The following MBNL2 variants were observed in gnomAD, a reference collection of about 807,000 sequenced individuals.
The protein encoded by MBNL2 is muscleblind like splicing regulator 2.
In MBNL2, 17 loss-of-function variants were observed where a neutral mutation model predicts 41.9. The ratio of observed to expected loss-of-function variants is 0.41; its 90% CI spans 0.28 to 0.61. The LOEUF (loss-of-function observed/expected upper bound fraction) is 0.61. MBNL2 is among the 20% of genes least tolerant of loss of function. The pLI, the probability that MBNL2 is intolerant of heterozygous loss-of-function variation, is 0.35. For synonymous variants in MBNL2, 195 were observed against 182.9 expected, an observed-to-expected ratio of 1.07 and a Z score of -0.53; for missense variants, 336 against 505.6, an observed-to-expected ratio of 0.66 and a Z score of 3.22.
rs1200579414 is a variant in MBNL2 at position 97,287,928 on chromosome 13, TGTTTTG to T, written c.174+11520_174+11525del. Among the ~76,000 whole-genome samples, 47 of 88,052 alleles carry T rather than the reference TGTTTTG, an allele frequency of 5.3e-4. 1 individual carries two copies. The highest frequency in any genetic ancestry group is 1.7e-3 in the African/African-American group (44 of 26,070). The allele number at this position is 88,052 out of a possible 152,430, so 57.8% of individuals were successfully genotyped here. A position where few individuals can be genotyped will look rare whatever the true frequency, so the allele number is the denominator to read the frequency against. On this transcript the variant is annotated intron_variant, in intron 2 of 8. Transcript: ENST00000679496. ...CCCGGCTAATTTTCTGTTTTTTTTT[TGTTTTG>T]TTTTGTTTTTTTTTTTTTTAGTAGA... is the stretch of plus-strand genomic sequence containing the variant.
At chr13:97,249,271 TG>T (rs1214342605) in intron 1 of MBNL2, among the ~76,000 whole-genome samples, 1 of 152,218 alleles carries the variant, frequency 6.6e-6, no homozygotes, top group African/African-American at 2.4e-5. Flanking sequence ...TTCCACTGTT[TG>T]TGAATGATTG....
intron 2 of MBNL2, among the ~76,000 whole-genome samples, chr13:97,289,814 G>A (rs2055451354): frequency 6.6e-6 from 1 of 152,166 alleles, no homozygotes; most frequent in South Asian, 2.1e-4. Context: ...AGCAGACATA[G>A]CCAGCAAGAC....
chr13:97,270,202 G>C (rs2152912900), intron 1 of MBNL2, among the ~76,000 whole-genome samples: 1 of 152,264 alleles, frequency 6.6e-6, no homozygotes, highest in South Asian at 2.1e-4. Context: ...ACCGTCAGTA[G>C]CAATAGAATG....
the MBNL2 span, among the ~76,000 whole-genome samples, chr13:97,194,947 T>C: frequency 2.6e-5 from 4 of 152,216 alleles, no homozygotes; most frequent in African/African-American, 9.6e-5. Flanking sequence ...TAGCATATCA[T>C]CAAAAAGTAA....
chr13:97,195,213 C>T, the MBNL2 span, among the ~76,000 whole-genome samples: 1 of 152,162 alleles, frequency 6.6e-6, no homozygotes, highest in African/African-American at 2.4e-5. Context: ...CTACTTTTTA[C>T]CTGGAATCTT....
intron 1 of MBNL2, among the ~76,000 whole-genome samples, chr13:97,239,286 C>T (rs536268483): frequency 6.6e-6 from 1 of 152,196 alleles, no homozygotes; most frequent in Non-Finnish European, 1.5e-5. Flanking sequence ...ATAGATACCT[C>T]ATATGGAATA....
intron 3 of MBNL2, among the ~76,000 whole-genome samples, chr13:97,337,412 C>T (rs2060979607): frequency 6.6e-6 from 1 of 152,206 alleles, no homozygotes; most frequent in African/African-American, 2.4e-5. Context: ...TGATGAATCT[C>T]TCCTTTGTTA....
At chr13:97,263,926 A>G (rs1156431765) in intron 1 of MBNL2, among the ~76,000 whole-genome samples, 1 of 149,036 alleles carries the variant, frequency 6.7e-6, no homozygotes, top group Non-Finnish European at 1.5e-5. Flanking sequence ...CCTTACTTTT[A>G]TTTTTTTAAT....
chr13:97,189,710 G>A, the MBNL2 span, among the ~76,000 whole-genome samples: 2 of 152,234 alleles, frequency 1.3e-5, no homozygotes, highest in African/African-American at 4.8e-5. Context: ...TACATGTGTG[G>A]ACACATACAT....
At chr13:97,275,571 C>T (rs959832873) in intron 1 of MBNL2, 61 bp from the exon 2 acceptor site, 1 of 152,150 alleles carries the variant, frequency 6.6e-6, no homozygotes, top group East Asian at 1.9e-4. Flanking sequence ...TTCAATAGTT[C>T]GTTGAAGTGG....
chr13:97,232,157 T>C (rs774888686), intron 1 of MBNL2, among the ~76,000 whole-genome samples: 90 of 152,330 alleles, frequency 5.9e-4, no homozygotes, highest in Non-Finnish European at 8.8e-4. Flanking sequence ...CCAGGCCTGA[T>C]TGTTGAGTCT....
the MBNL2 span, among the ~76,000 whole-genome samples, chr13:97,184,121 C>A: frequency 2.0e-5 from 3 of 152,162 alleles, no homozygotes; most frequent in Admixed American, 6.5e-5. Context: ...ATGGAAGTAT[C>A]TTTCCCATAG....
intron 8 of MBNL2, among the ~76,000 whole-genome samples, chr13:97,385,231 C>G (rs563028160): frequency 3.3e-5 from 5 of 152,258 alleles, no homozygotes; most frequent in South Asian, 2.1e-4. Context: ...GAGACAGTCC[C>G]CCTGTCCTTA....
At chr13:97,148,335 T>C in the MBNL2 span, among the ~76,000 whole-genome samples, 1 of 152,194 alleles carries the variant, frequency 6.6e-6, no homozygotes, top group Non-Finnish European at 1.5e-5. Flanking sequence ...TCTTTTTTTT[T>C]TCAATTTGGT....
At chr13:97,382,222 C>G (rs2065516968) in intron 8 of MBNL2, among the ~76,000 whole-genome samples, 1 of 152,218 alleles carries the variant, frequency 6.6e-6, no homozygotes, top group Non-Finnish European at 1.5e-5. Flanking sequence ...AAATTCAGTT[C>G]TCCTACAGAG....
chr13:97,141,859 C>G, the MBNL2 span, among the ~76,000 whole-genome samples: 1 of 152,136 alleles, frequency 6.6e-6, no homozygotes, highest in Non-Finnish European at 1.5e-5. Context: ...GCAGAGGCTG[C>G]GCAGAGAATG....
At chr13:97,283,507 T>A (rs1201800043) in intron 2 of MBNL2, among the ~76,000 whole-genome samples, 1 of 152,224 alleles carries the variant, frequency 6.6e-6, no homozygotes, top group African/African-American at 2.4e-5. Context: ...TCCTTTCTTT[T>A]TTGTTGTTGT....
the MBNL2 span, among the ~76,000 whole-genome samples, chr13:97,150,565 A>G: frequency 6.6e-6 from 1 of 152,224 alleles, no homozygotes; most frequent in African/African-American, 2.4e-5. Flanking sequence ...ATAGTCAGGC[A>G]AATGCTTACC....
At position 97,391,430 on chromosome 13, in the gene MBNL2, T is replaced by C. The variant is rs1189196799; in HGVS notation, c.1157T>C (p.Leu386Ser). 1 of 1,331,304 alleles carries C rather than the reference T, an allele frequency of 7.5e-7. No homozygotes were observed. The highest frequency in any genetic ancestry group is 1.1e-6 in the Non-Finnish European group (1 of 922,066). 82.5% of individuals were successfully genotyped at this position (1,331,304 alleles called of 1,614,324 possible). A position where few individuals can be genotyped will look rare whatever the true frequency, so the allele number is the denominator to read the frequency against. The stretch of plus-strand genomic sequence containing the variant: ...TATCCTGTTTCCTCCTCAATAGAAT[T>C]GCCACAAACTGCATGCTAAATAAAG... ...TYYPVSSSIELPQTAC is the reference protein window; with the variant it reads ...TYYPVSSSIESPQTAC Residue 386 changes from leucine (L) to serine (S), a missense_variant, in exon 9 of 9, where the codon TTG (leucine) becomes TCG (serine). Transcript: ENST00000679496.
Sources: allele counts gnomAD v4.1 joint callset (sites outside exome capture counted in the v4.1 genomes callset), GRCh38; gene constraint gnomAD v4.1.1; transcripts MANE v1.5; gene names NCBI Gene and HGNC (gene_info 2026-07-23, HGNC 2026-07-21).